Variants in ALDH5A1 observed in about 807,000 individuals in gnomAD.
ALDH5A1 encodes succinate-semialdehyde dehydrogenase, mitochondrial.
Under a neutral mutation model 54.7 loss-of-function variants are expected in ALDH5A1, and 33 were observed. That is an observed-to-expected ratio of 0.60 (90% confidence interval 0.46 to 0.81). The LOEUF is 0.81. Ranked by LOEUF, ALDH5A1 falls within the 30% of genes least tolerant of loss-of-function variation. ALDH5A1 has a pLI of 0.00. For synonymous variants in ALDH5A1, 294 were observed against 292.7 expected, an observed-to-expected ratio of 1.00 and a Z score of -0.05; for missense variants, 657 against 711.0, an observed-to-expected ratio of 0.92 and a Z score of 0.86.
At chr6:24,520,633 AGTGT>A (rs112834539) in intron 6 of ALDH5A1, 89 bp downstream of exon 6, 70 of 1,494,500 alleles carry the variant, frequency 4.7e-5, no homozygotes, top group South Asian at 1.2e-4. Context: ...TGTGCATGTG[AGTGT>A]GTGTGTGTGT....
chr6:24,506,931 AG>A, intron 4 of ALDH5A1, among the ~76,000 whole-genome samples: 1 of 149,852 alleles, frequency 6.7e-6, no homozygotes, highest in African/African-American at 2.5e-5. Flanking sequence ...AGATTTTATT[AG>A]TCTGTACCTA....
intron 7 of ALDH5A1, among the ~76,000 whole-genome samples, chr6:24,527,312 T>G (rs555519102): frequency 3.5e-4 from 53 of 152,062 alleles, no homozygotes; most frequent in Middle Eastern, 3.4e-3. Context: ...CGTGGCTCAC[T>G]CCTGTAATCC....
chr6:24,529,731 T>G (rs2760186), intron 8 of ALDH5A1, among the ~76,000 whole-genome samples: 118,095 of 140,716 alleles, frequency 0.84, 50,585 homozygotes, highest in Non-Finnish European at 0.91. Context: ...GAGTGCAGTG[T>G]TGCGATCTCA....
chr6:24,526,011 G>T (rs1168968646), intron 7 of ALDH5A1, among the ~76,000 whole-genome samples: 2 of 152,110 alleles, frequency 1.3e-5, no homozygotes, highest in African/African-American at 4.8e-5. Context: ...GCGAGGCTAG[G>T]TACCTCAGGG....
In ALDH5A1 at chr6:24,522,748, G is replaced by A. The variant is rs1462649062; in HGVS notation, c.1015-19G>A. On this transcript the variant is annotated intron_variant, in intron 6 of 9. Transcript: ENST00000357578. ...AGCTTCTGACAGACTGTGTGGGTTT[G>A]TTTTTGTCTCCTGTCCAGACTTGTG... 1.2e-6 allele frequency: 2 copies of A among 1,613,286 alleles called. No homozygotes were observed. Among genetic ancestry groups the A allele is most frequent in the Non-Finnish European group, 1.7e-6 (2 of 1,179,620 alleles).
chr6:24,523,906 C>T (rs529927571), intron 7 of ALDH5A1, among the ~76,000 whole-genome samples: 8 of 151,834 alleles, frequency 5.3e-5, no homozygotes, highest in African/African-American at 1.9e-4. Context: ...AGACTTCTCT[C>T]CTTATTCTAC....
At chr6:24,501,862 T>C (rs1322165044) in intron 1 of ALDH5A1, among the ~76,000 whole-genome samples, 1 of 149,538 alleles carries the variant, frequency 6.7e-6, no homozygotes, top group Non-Finnish European at 1.5e-5. Context: ...TCCAGAAAAA[T>C]AGAACCAATG....
chr6:24,523,008 AG>A, intron 7 of ALDH5A1, 83 bp downstream of exon 7: 3 of 379,984 alleles, frequency 7.9e-6, no homozygotes, highest in South Asian at 4.0e-5. Context: ...CTTTGGCTGG[AG>A]GGGTGGGGAT....
chr6:24,519,938 G>A (rs1759645971), intron 5 of ALDH5A1, among the ~76,000 whole-genome samples: 1 of 151,082 alleles, frequency 6.6e-6, no homozygotes, highest in South Asian at 2.1e-4. Flanking sequence ...TTACTTATAT[G>A]GTTGAAAAAT....
At position 24,529,951 on chromosome 6, in the gene ALDH5A1, C is replaced by T. The variant is rs141263845; in HGVS notation, c.1343+1785C>T. On this transcript the variant is annotated intron_variant, in intron 8 of 9. Coordinates refer to ENST00000357578, the MANE Select transcript of ALDH5A1 (RefSeq NM_001080.3). ...CATCCCAAAGGGCTGGGATTACAGGCGTGAGCCACCATGCCCAGCTCATTA... is the reference window on the plus strand; with the variant it reads ...CATCCCAAAGGGCTGGGATTACAGGTGTGAGCCACCATGCCCAGCTCATTA... Among the ~76,000 whole-genome samples, 63 of 152,260 alleles carry T rather than the reference C, an allele frequency of 4.1e-4. No individual in the cohort carries two copies. In the East Asian group the frequency reaches 0.012, roughly 28 times the overall value.
intron 5 of ALDH5A1, among the ~76,000 whole-genome samples, chr6:24,519,901 A>G (rs747481073): frequency 4.6e-5 from 7 of 152,068 alleles, no homozygotes; most frequent in African/African-American, 1.4e-4. Context: ...TAAGCCCATC[A>G]TATAATTGTT....
chr6:24,510,131 T>A (rs1759434461), intron 4 of ALDH5A1, among the ~76,000 whole-genome samples: 1 of 152,206 alleles, frequency 6.6e-6, no homozygotes, highest in South Asian at 2.1e-4. Flanking sequence ...CCTTTTGGAG[T>A]TGATTTCCAG....
At chr6:24,529,152 C>T (rs1366141592) in intron 8 of ALDH5A1, among the ~76,000 whole-genome samples, 1 of 151,842 alleles carries the variant, frequency 6.6e-6, no homozygotes, top group Non-Finnish European at 1.5e-5. Context: ...CTCCTTTATC[C>T]ACTTTTTTTT....
chr6:24,522,478 CGT>C (rs5874989), intron 6 of ALDH5A1, among the ~76,000 whole-genome samples: 8,415 of 134,460 alleles, frequency 0.063, 474 homozygotes, highest in African/African-American at 0.14. Context: ...TCTTTTCTTT[CGT>C]GTGTGTGTGT....
At chr6:24,502,250 G>T (rs1177792271) in intron 1 of ALDH5A1, among the ~76,000 whole-genome samples, 2 of 152,114 alleles carry the variant, frequency 1.3e-5, no homozygotes, top group Non-Finnish European at 2.9e-5. Flanking sequence ...CAGCAGATTG[G>T]ATGATACCCA....
At chr6:24,495,427 G>C in intron 1 of ALDH5A1, 77 bp downstream of exon 1, 2 of 1,401,324 alleles carry the variant, frequency 1.4e-6, no homozygotes, top group South Asian at 1.3e-5. Context: ...ACCCCAAAGT[G>C]ACACCAGCCG....
intron 4 of ALDH5A1, chr6:24,511,732 CT>C (rs76040572): frequency 0.17 from 56,001 of 335,230 alleles, 381 homozygotes; most frequent in East Asian, 0.2. Context: ...TTTCTTGTAT[CT>C]TTTTTTTTTT....
At chr6:24,511,856 G>A in intron 4 of ALDH5A1, 1 of 577,936 alleles carries the variant, frequency 1.7e-6, no homozygotes, top group South Asian at 2.5e-5. Flanking sequence ...TTCTTGATTT[G>A]GATCCATTGT....
rs373621958 is a variant in ALDH5A1, at chr6:24,528,491, T to C, written c.1343+325T>C. ...AATTCTCCTGCCTCAGCCTCCAGAG[T>C]AGCTAGGACTACAGGCACCCACCAC... is the stretch of plus-strand genomic sequence containing the variant. On this transcript the variant is annotated intron_variant, in intron 8 of 9. Transcript: ENST00000357578. Among the ~76,000 whole-genome samples, 18 of 151,862 alleles carry C rather than the reference T, an allele frequency of 1.2e-4. No individual in the cohort carries two copies. In the East Asian group the frequency reaches 3.1e-3, roughly 26 times the overall value.
Sources: gnomAD v4.1 joint callset for allele counts (sites outside exome capture counted in the v4.1 genomes callset) on GRCh38, gnomAD v4.1.1 for gene constraint, MANE v1.5 for transcripts, NCBI Gene and HGNC (gene_info 2026-07-23, HGNC 2026-07-21) for gene names.